CAPN3: variants seen among roughly 807,000 people sequenced by gnomAD.
The protein encoded by CAPN3 is calpain-3.
A neutral mutation model predicts 114.0 loss-of-function variants in CAPN3; 88 were observed. The ratio of observed to expected loss-of-function variants is 0.77; its 90% CI spans 0.65 to 0.92. The LOEUF (loss-of-function observed/expected upper bound fraction) is 0.92. Among genes scored for constraint, CAPN3 ranks in the 40% least tolerant of loss-of-function variants. CAPN3 has a pLI of 0.00. For missense variants in CAPN3, 1,028 were observed against 1,069.0 expected (o/e 0.96, Z 0.53); for synonymous variants, 386 against 382.9 (o/e 1.01, Z -0.09).
intron 6 of CAPN3, 72 bp downstream of exon 6, chr15:42,390,168 C>A (rs1041746198): frequency 1.0e-5 from 16 of 1,554,810 alleles, no homozygotes; most frequent in Non-Finnish European, 1.4e-5. Context: ...TAGTGTCAGA[C>A]TCCCCTCAGC....
At chr15:42,387,616 T>C in intron 3 of CAPN3, 137 bp from the exon 4 acceptor site, 1 of 1,102,220 alleles carries the variant, frequency 9.1e-7, no homozygotes, top group Non-Finnish European at 1.4e-6. Context: ...CAAAATAGGA[T>C]GAACAGGCAC....
intron 1 of CAPN3, among the ~76,000 whole-genome samples, chr15:42,368,457 G>T (rs139143373): frequency 6.6e-6 from 1 of 152,258 alleles, no homozygotes; most frequent in Non-Finnish European, 1.5e-5. Flanking sequence ...TAGTCAGTTG[G>T]CTGTGAGTTC....
chr15:42,385,510 TTATA>T (rs148849340), intron 2 of CAPN3, among the ~76,000 whole-genome samples: 1 of 149,236 alleles, frequency 6.7e-6, no homozygotes, highest in Non-Finnish European at 1.5e-5. Context: ...ACACCCCCTA[TTATA>T]TATATATATA....
At chr15:42,385,945 A>G in intron 2 of CAPN3, 1 of 718,346 alleles carries the variant, frequency 1.4e-6, no homozygotes, top group Admixed American at 1.9e-5. Flanking sequence ...GAAAATGTCT[A>G]GTCACAAGGG....
At chr15:42,409,728 G>T (rs2054145797) in intron 17 of CAPN3, 59 bp from the exon 18 acceptor site, 1 of 1,467,870 alleles carries the variant, frequency 6.8e-7, no homozygotes, top group Non-Finnish European at 9.6e-7. Flanking sequence ...TTTGCAAAGT[G>T]TCCGCGCCAG....
rs746311413 is a variant in CAPN3, at chr15:42,394,260, C to G, written c.1034C>G (p.Pro345Arg). ...AGCTCTTTCTGTGTGCTTAAGGTCC[C>G]GTTCAAAGGTGAGAAAGTGAAGCTG... ...AYSVTGLDEV[P>R]FKGEKVKLVR... Residue 345 changes from proline (P) to arginine (R), a missense_variant, in exon 8 of 24, where the codon CCG becomes CGG. By Grantham distance (103) the Pro-to-Arg change is moderately radical. Transcript: ENST00000397163. 6.4e-7 allele frequency: 1 copy of G among 1,556,574 alleles called. No individual in the cohort carries two copies. Among genetic ancestry groups the G allele is most frequent in the Non-Finnish European group, 8.7e-7 (1 of 1,149,614 alleles).
intron 14 of CAPN3, chr15:42,404,838 G>A (rs868112692): frequency 3.7e-6 from 4 of 1,073,990 alleles, no homozygotes; most frequent in Admixed American, 9.5e-5. Flanking sequence ...GACCACAGGC[G>A]ATTGGTTTTA....
chr15:42,404,776 G>C, intron 14 of CAPN3: 1 of 1,121,780 alleles, frequency 8.9e-7, no homozygotes, highest in Non-Finnish European at 1.1e-6. Context: ...TGACAGTCAT[G>C]GTCATAATCC....
chr15:42,410,521 G>T (rs1434102044), intron 20 of CAPN3, 25 bp downstream of exon 20: 1 of 1,613,414 alleles, frequency 6.2e-7, no homozygotes. Flanking sequence ...TGAAGCGTGG[G>T]AGTCAAGAAT....
In CAPN3 at chr15:42,411,984, G is replaced by A. The variant is rs112661890; in HGVS notation, c.*211G>A. On this transcript the variant is annotated 3_prime_UTR_variant, in exon 24 of 24. Coordinates refer to ENST00000397163, the MANE Select transcript of CAPN3 (RefSeq NM_000070.3). ...ACCCTTTAGTAAAGCAATGAGGTAGGAAGAACAAACCCTTGTCCCTTTGCC... is the reference window on the plus strand; with the variant it reads ...ACCCTTTAGTAAAGCAATGAGGTAGAAAGAACAAACCCTTGTCCCTTTGCC... 588 of 1,509,832 alleles carry A rather than the reference G, an allele frequency of 3.9e-4. No homozygotes were observed. The highest frequency in any genetic ancestry group is 5.0e-4 in the Non-Finnish European group (565 of 1,129,102). The allele number at this position is 1,509,832 out of a possible 1,614,324, so 93.5% of individuals were successfully genotyped here. A position where few individuals can be genotyped will look rare whatever the true frequency, so the allele number is the denominator to read the frequency against.
rs1172953718 is a variant in CAPN3, at chr15:42,403,725, T to C, written c.1746-16T>C. ...TCTGGTGACACTGAGACCCCACATG[T>C]CTGTATTCCTCACAGGGAAGTTGAA... On this transcript the variant is annotated splice_polypyrimidine_tract_variant and intron_variant, in intron 13 of 23. Transcript: ENST00000397163. The C allele has an allele frequency of 6.2e-7, 1 of 1,612,910 alleles. No homozygotes were observed. The highest frequency in any genetic ancestry group is 8.5e-7 in the Non-Finnish European group (1 of 1,179,054).
chr15:42,405,022 A>C (rs1488627846), intron 14 of CAPN3: 42 of 987,106 alleles, frequency 4.3e-5, no homozygotes, highest in Non-Finnish European at 4.9e-5. Context: ...TGCAGTTCTC[A>C]ATTGACATTT....
chr15:42,396,618 T>C (rs2053700897), intron 8 of CAPN3, among the ~76,000 whole-genome samples, 182 bp from the exon 9 acceptor site: 1 of 152,140 alleles, frequency 6.6e-6, no homozygotes, highest in Non-Finnish European at 1.5e-5. Flanking sequence ...GAGTTTAGGC[T>C]CAGTCTTGAG....
intron 14 of CAPN3, chr15:42,404,428 A>G (rs144650836): frequency 2.2e-6 from 1 of 456,588 alleles, no homozygotes; most frequent in East Asian, 6.9e-5. Context: ...AGATGGGGTT[A>G]TAATCCCTGG....
intron 8 of CAPN3, among the ~76,000 whole-genome samples, chr15:42,396,118 C>T (rs139051550): frequency 3.9e-5 from 6 of 152,096 alleles, no homozygotes; most frequent in Non-Finnish European, 5.9e-5. Context: ...GAACAGGTGA[C>T]ATAATCATTT....
Position 42,396,872 on chromosome 15 carries a change from G to C in CAPN3, c.1188G>C (p.Glu396Asp). Residue 396 changes from glutamate (E) to aspartate (D), a missense_variant, in exon 9 of 24, where the codon GAG (glutamate) becomes GAC (aspartate). Transcript: ENST00000397163. ...AGCACCAGGTCACTGAGGATGGAGA[G>C]TTCTGGTGAGTCCAGAACCCAGGAA... ...RLQHQVTEDG[E>D]FWMSYEDFIY... 6.2e-7 allele frequency: 1 copy of C among 1,612,482 alleles called. No homozygotes were observed. The highest frequency in any genetic ancestry group is 8.5e-7 in the Non-Finnish European group (1 of 1,178,484).
At position 42,388,850 on chromosome 15, in the gene CAPN3, A is replaced by C. The variant is rs530863545; in HGVS notation, c.633-78A>C. On this transcript the variant is annotated intron_variant, in intron 4 of 23. Transcript: ENST00000397163. The stretch of plus-strand genomic sequence containing the variant: ...GAACATCACAGCATCCAAGAGGTAA[A>C]GTTCTGGTGGCAGTGGTACCTGGGT... 34 of 1,185,514 alleles carry C rather than the reference A, an allele frequency of 2.9e-5. 1 individual carries two copies. Among genetic ancestry groups the C allele is most frequent in the African/African-American group, 2.6e-4 (17 of 66,098 alleles). The allele number at this position is 1,185,514 out of a possible 1,614,324, so 73.4% of individuals were successfully genotyped here. A position where few individuals can be genotyped will look rare whatever the true frequency, so the allele number is the denominator to read the frequency against.
Position 42,396,937 on chromosome 15 carries a change from C to G in CAPN3, c.1193+60C>G. The G allele has an allele frequency of 6.5e-6, 8 of 1,221,680 alleles. No individual in the cohort carries two copies. The South Asian group carries it at 9.6e-5, about 15-fold the overall frequency. 75.7% of individuals were successfully genotyped at this position (1,221,680 alleles called of 1,614,324 possible). On this transcript the variant is annotated intron_variant, in intron 9 of 23. Transcript: ENST00000397163. ...AGGGTGGGGAAGAGAGGGGAAATCT[C>G]AGACCTCAGTCCCCAGCTAAGGTTA...
In CAPN3 at chr15:42,406,511, T is replaced by A. The variant is rs28364513; in HGVS notation, c.1800+568T>A. ...GCTTGGGGTCAGTCCCTCTCTTTTT[T>A]TTCCCCCCCAATTATAACAGTATCT... On this transcript the variant is annotated intron_variant, in intron 15 of 23. Transcript: ENST00000397163. Among the ~76,000 whole-genome samples the A allele has an allele frequency of 9.2e-3, 1,394 of 152,224 alleles. 23 individuals carry two copies. Among genetic ancestry groups the A allele is most frequent in the African/African-American group, 0.032 (1,329 of 41,512 alleles).
Sources: gnomAD v4.1 joint callset for allele counts (sites outside exome capture counted in the v4.1 genomes callset) on GRCh38, gnomAD v4.1.1 for gene constraint, MANE v1.5 for transcripts, NCBI Gene and HGNC (gene_info 2026-07-23, HGNC 2026-07-21) for gene names.